The following FAF1 variants were observed in gnomAD, a reference collection of about 807,000 sequenced individuals.
FAF1 encodes Fas associated factor 1.
FAF1 carries 25 observed loss-of-function variants against 92.5 expected under a neutral mutation model. The ratio of observed to expected loss-of-function variants is 0.27; its 90% CI spans 0.20 to 0.38. FAF1 has a LOEUF of 0.38. Among genes scored for constraint, FAF1 ranks in the 10% least tolerant of loss-of-function variants. The pLI is 1.00. For missense variants in FAF1, 636 were observed against 793.3 expected (o/e 0.80, Z 2.38); for synonymous variants, 234 against 273.2 (o/e 0.86, Z 1.42).
chr1:50,701,132 A>C (rs1458846960), intron 7 of FAF1, among the ~76,000 whole-genome samples: 3 of 152,144 alleles, frequency 2.0e-5, no homozygotes, highest in Non-Finnish European at 4.4e-5. Flanking sequence ...AGAAGAAATT[A>C]TCTCTTTCAT....
chr1:50,569,057 T>C (rs1650304204), intron 12 of FAF1, among the ~76,000 whole-genome samples: 1 of 152,154 alleles, frequency 6.6e-6, no homozygotes, highest in African/African-American at 2.4e-5. Flanking sequence ...GGTTTCTTCA[T>C]CTATGTTGAT....
intron 9 of FAF1, 67 bp from the exon 10 acceptor site, chr1:50,584,878 T>C (rs1257909520): frequency 5.7e-6 from 8 of 1,412,352 alleles, no homozygotes; most frequent in Admixed American, 1.8e-5. Flanking sequence ...GAATAAGTTA[T>C]AATAATAACA....
At chr1:50,648,071 C>T (rs879920016) in intron 8 of FAF1, among the ~76,000 whole-genome samples, 3 of 151,756 alleles carry the variant, frequency 2.0e-5, no homozygotes, top group African/African-American at 7.3e-5. Flanking sequence ...CCAGCCTGGC[C>T]GACATAGTGA....
At chr1:50,840,864 T>C (rs939372934) in intron 2 of FAF1, among the ~76,000 whole-genome samples, 33 of 152,148 alleles carry the variant, frequency 2.2e-4, no homozygotes, top group African/African-American at 7.7e-4. Flanking sequence ...TTTATATTAA[T>C]AGATGATTAA....
chr1:50,700,340 T>A (rs572627760), intron 7 of FAF1, among the ~76,000 whole-genome samples: 2 of 151,980 alleles, frequency 1.3e-5, no homozygotes, highest in Non-Finnish European at 2.9e-5. Flanking sequence ...CTCAAATCAT[T>A]TGGAGTCGAA....
intron 7 of FAF1, among the ~76,000 whole-genome samples, chr1:50,681,790 A>G (rs761310116): frequency 4.6e-5 from 7 of 151,602 alleles, no homozygotes; most frequent in Non-Finnish European, 8.8e-5. Flanking sequence ...AAGTGCTGGC[A>G]TTACAAGCAT....
At chr1:50,635,966 T>C (rs903024716) in intron 8 of FAF1, among the ~76,000 whole-genome samples, 3 of 152,158 alleles carry the variant, frequency 2.0e-5, no homozygotes, top group African/African-American at 4.8e-5. Context: ...AATTATAGGA[T>C]AAATTGGACT....
chr1:50,935,138 T>C (rs574978101), intron 1 of FAF1, among the ~76,000 whole-genome samples: 119 of 151,708 alleles, frequency 7.8e-4, no homozygotes, highest in African/African-American at 2.8e-3. Flanking sequence ...TATTTGAGAA[T>C]TGTTTTAAAT....
intron 15 of FAF1, among the ~76,000 whole-genome samples, chr1:50,529,893 G>A (rs1648049479): frequency 6.6e-6 from 1 of 152,140 alleles, no homozygotes; most frequent in South Asian, 2.1e-4. Flanking sequence ...CAAAGTGAGA[G>A]AAATTAATTT....
intron 7 of FAF1, among the ~76,000 whole-genome samples, chr1:50,691,231 C>T (rs887934627): frequency 2.6e-5 from 4 of 152,128 alleles, no homozygotes; most frequent in African/African-American, 9.7e-5. Context: ...TTTGCCAATA[C>T]AACACTTGTC....
intron 1 of FAF1, among the ~76,000 whole-genome samples, chr1:50,898,416 T>C (rs1225374673): frequency 6.6e-6 from 1 of 152,190 alleles, no homozygotes; most frequent in African/African-American, 2.4e-5. Flanking sequence ...ACACATTAAA[T>C]ATTTACGTAT....
At chr1:50,503,623 A>G (rs1026310387) in intron 15 of FAF1, among the ~76,000 whole-genome samples, 3 of 152,084 alleles carry the variant, frequency 2.0e-5, no homozygotes, top group Non-Finnish European at 2.9e-5. Flanking sequence ...TCTTTAAAAA[A>G]AAAAAAAAAA....
chr1:50,535,406 A>G lies in FAF1; in HGVS notation c.1457T>C (p.Ile486Thr), dbSNP rs778283291. Residue 486 changes from isoleucine (I) to threonine (T), a missense_variant, in exon 15 of 19, where the codon ATC becomes ACC. Physicochemically the swap from Ile to Thr is moderately conservative, Grantham distance 89 (BLOSUM62 -1). Coordinates refer to ENST00000396153, the MANE Select transcript of FAF1 (RefSeq NM_007051.3). The stretch of plus-strand genomic sequence containing the variant: ...ATCTTCCTGTTGTTGGGCTGTGAAG[A>G]TCTCCATTGCAGCCATGAGTCTCAT... ...LMMRLMAAME[I>T]FTAQQQEDIK... The G allele has an allele frequency of 6.2e-7, 1 of 1,612,532 alleles. No homozygotes were observed. The highest frequency in any genetic ancestry group is 1.1e-5 in the South Asian group (1 of 90,962).
intron 8 of FAF1, among the ~76,000 whole-genome samples, chr1:50,630,690 A>G (rs1376106572): frequency 6.6e-6 from 1 of 152,154 alleles, no homozygotes; most frequent in African/African-American, 2.4e-5. Context: ...GTCCCTTTAA[A>G]TGGATAACCA....
chr1:50,913,706 GA>G (rs1465689710), intron 1 of FAF1, among the ~76,000 whole-genome samples: 2 of 151,940 alleles, frequency 1.3e-5, no homozygotes, highest in African/African-American at 4.8e-5. Flanking sequence ...GAGAAGGAAA[GA>G]ATTTGTCTAT....
intron 1 of FAF1, among the ~76,000 whole-genome samples, chr1:50,865,595 A>G (rs1472576049): frequency 7.3e-6 from 1 of 137,806 alleles, no homozygotes; most frequent in Non-Finnish European, 1.6e-5. Flanking sequence ...AGAACAAAAA[A>G]CCAAACACTG....
intron 12 of FAF1, among the ~76,000 whole-genome samples, chr1:50,567,620 A>T (rs765608948): frequency 6.6e-6 from 1 of 152,122 alleles, no homozygotes; most frequent in Non-Finnish European, 1.5e-5. Flanking sequence ...CAGAGAAAAA[A>T]TATTCTTTAA....
At position 50,707,038 on chromosome 1, in the gene FAF1, C is replaced by T. The variant is rs143914572; in HGVS notation, c.552-1147G>A. ...CTAACACGGTAAAACCCCGTCTCTACTAAAAATGCAAAACATTAGCCAGGT... is the reference window on the plus strand; with the variant it reads ...CTAACACGGTAAAACCCCGTCTCTATTAAAAATGCAAAACATTAGCCAGGT... On this transcript the variant is annotated intron_variant, in intron 6 of 18. Coordinates refer to ENST00000396153, the MANE Select transcript of FAF1 (RefSeq NM_007051.3). Among the ~76,000 whole-genome samples the T allele has an allele frequency of 6.6e-4, 100 of 152,032 alleles. 1 individual carries two copies. The East Asian group carries it at 0.016, about 24-fold the overall frequency.
chr1:50,712,610 C>T (rs546481054), intron 6 of FAF1, among the ~76,000 whole-genome samples: 2 of 152,124 alleles, frequency 1.3e-5, no homozygotes, highest in African/African-American at 2.4e-5. Flanking sequence ...GAGCCGAAAT[C>T]GCACCACTGC....
Sources: allele counts gnomAD v4.1 joint callset (sites outside exome capture counted in the v4.1 genomes callset), GRCh38; gene constraint gnomAD v4.1.1; transcripts MANE v1.5; gene names NCBI Gene and HGNC (gene_info 2026-07-23, HGNC 2026-07-21).